MAD1L1: variants seen among roughly 807,000 people sequenced by gnomAD.
MAD1L1 encodes the protein mitotic spindle assembly checkpoint protein MAD1.
A neutral mutation model predicts 96.9 loss-of-function variants in MAD1L1; 95 were observed. The observed-to-expected ratio is 0.98, with a 90% CI of 0.83 to 1.16. MAD1L1 has a LOEUF of 1.16. Among genes scored for constraint, MAD1L1 ranks in the 50% most tolerant of loss-of-function variants. The pLI is 0.00. For missense variants in MAD1L1, 1,007 were observed against 954.4 expected (o/e 1.06, Z -0.73); for synonymous variants, 473 against 396.6 (o/e 1.19, Z -2.29).
chr7:1,915,415 C>T (rs929854469), intron 17 of MAD1L1, among the ~76,000 whole-genome samples: 10 of 152,110 alleles, frequency 6.6e-5, no homozygotes, highest in South Asian at 6.2e-4. Context: ...ACGCGCTTCC[C>T]GGGACAGAAA....
chr7:2,216,699 C>T (rs558064540), intron 7 of MAD1L1, among the ~76,000 whole-genome samples: 3 of 152,164 alleles, frequency 2.0e-5, no homozygotes, highest in African/African-American at 4.8e-5. Context: ...TAGGAGCGGG[C>T]GCAGGGGGTA....
rs948514889 is a variant in MAD1L1 at position 2,163,179 on chromosome 7, G to A, written c.987-13941C>T. On this transcript the variant is annotated intron_variant, in intron 10 of 18. Coordinates refer to ENST00000265854, the MANE Select transcript of MAD1L1 (RefSeq NM_001013836.2). ...ACAAACCGGCACATTAAGGATGGGC[G>A]GCCAAGGCCTCCAGGGAGCAGGACT... Among the ~76,000 whole-genome samples the A allele has an allele frequency of 7.9e-5, 12 of 152,240 alleles. No homozygotes were observed. In the South Asian group the frequency reaches 1.7e-3, roughly 21 times the overall value.
At chr7:1,965,162 C>T (rs896543336) in intron 15 of MAD1L1, among the ~76,000 whole-genome samples, 1 of 152,216 alleles carries the variant, frequency 6.6e-6, no homozygotes, top group Admixed American at 6.5e-5. Context: ...GGGAACCCCA[C>T]CAGAGAGGCT....
At chr7:1,862,211 G>T (rs59456857) in intron 18 of MAD1L1, among the ~76,000 whole-genome samples, 1,613 of 152,296 alleles carry the variant, frequency 0.011, 29 homozygotes, top group African/African-American at 0.037. Flanking sequence ...CTCCGGGTTG[G>T]TCTCCTCAGC....
At chr7:1,888,194 G>C (rs1254695625) in intron 18 of MAD1L1, among the ~76,000 whole-genome samples, 1 of 151,442 alleles carries the variant, frequency 6.6e-6, no homozygotes, top group African/African-American at 2.4e-5. Context: ...GTGCATGCAT[G>C]TATGTGGCTG....
chr7:1,820,912 T>C (rs1276273195), intron 18 of MAD1L1, among the ~76,000 whole-genome samples: 4 of 151,840 alleles, frequency 2.6e-5, no homozygotes, highest in Non-Finnish European at 2.9e-5. Context: ...AAACCCCATC[T>C]CTACTAAAAA....
chr7:1,942,274 CAGA>C (rs1270800379), intron 16 of MAD1L1, among the ~76,000 whole-genome samples: 1 of 152,148 alleles, frequency 6.6e-6, no homozygotes, highest in Non-Finnish European at 1.5e-5. Context: ...CCGGCCCCTC[CAGA>C]AGGAGGCCAC....
chr7:2,155,655 C>A (rs1432340481), intron 10 of MAD1L1, among the ~76,000 whole-genome samples: 1 of 152,238 alleles, frequency 6.6e-6, no homozygotes, highest in Non-Finnish European at 1.5e-5. Flanking sequence ...CTTTTGAAGG[C>A]TGAGTAATAC....
chr7:1,891,033 T>C (rs1786505853), intron 18 of MAD1L1, among the ~76,000 whole-genome samples: 1 of 151,718 alleles, frequency 6.6e-6, no homozygotes, highest in Non-Finnish European at 1.5e-5. Flanking sequence ...CTGCGCCACC[T>C]CCCCTTCCCC....
In MAD1L1 at chr7:1,986,336, G is replaced by A. The variant is rs1425467425; in HGVS notation, c.1417-5795C>T. ...TGCTGCAGCTTGGAACCACACGCCA[G>A]TCCAGCTTGGAACCACACGCCAGTC... On this transcript the variant is annotated intron_variant, in intron 14 of 18. Coordinates refer to ENST00000265854, the MANE Select transcript of MAD1L1 (RefSeq NM_001013836.2). Among the ~76,000 whole-genome samples, 68 of 29,478 alleles carry A rather than the reference G, an allele frequency of 2.3e-3. 1 individual carries two copies. The highest frequency in any genetic ancestry group is 1.7e-4 in the Non-Finnish European group (2 of 11,714). The allele number at this position is 29,478 out of a possible 152,430, so 19.3% of individuals were successfully genotyped here. A position where few individuals can be genotyped will look rare whatever the true frequency, so the allele number is the denominator to read the frequency against.
At chr7:2,207,408 G>A (rs899430799) in intron 10 of MAD1L1, among the ~76,000 whole-genome samples, 1 of 152,172 alleles carries the variant, frequency 6.6e-6, no homozygotes, top group East Asian at 1.9e-4. Flanking sequence ...TTGGGACTTT[G>A]AGTCCCACCC....
chr7:2,126,339 C>T (rs1788229710), intron 11 of MAD1L1, among the ~76,000 whole-genome samples: 1 of 152,186 alleles, frequency 6.6e-6, no homozygotes, highest in Admixed American at 6.5e-5. Context: ...CTTCGAATTC[C>T]ATTTTCAATA....
At chr7:1,928,534 G>A (rs1485106091) in intron 17 of MAD1L1, among the ~76,000 whole-genome samples, 2 of 152,252 alleles carry the variant, frequency 1.3e-5, no homozygotes, top group Non-Finnish European at 2.9e-5. Context: ...GACCCAGGCA[G>A]ACGATCTCAG....
intron 15 of MAD1L1, among the ~76,000 whole-genome samples, chr7:1,963,448 C>T (rs984282594): frequency 6.6e-6 from 1 of 152,182 alleles, no homozygotes; most frequent in African/African-American, 2.4e-5. Context: ...GGAGGGATTC[C>T]TGTCAAACAA....
At chr7:1,909,334 G>C (rs1287698350) in intron 17 of MAD1L1, among the ~76,000 whole-genome samples, 4 of 152,184 alleles carry the variant, frequency 2.6e-5, no homozygotes, top group African/African-American at 7.2e-5. Context: ...GCCCAATGCC[G>C]AGCCAGGCTT....
chr7:1,821,092 A>AG (rs1562424581), intron 18 of MAD1L1, among the ~76,000 whole-genome samples: 12 of 132,270 alleles, frequency 9.1e-5, no homozygotes, highest in African/African-American at 3.1e-4. Context: ...AAAAAAAAAA[A>AG]AGGGGGGGGG....
chr7:2,056,112 C>A (rs567598647), intron 12 of MAD1L1, among the ~76,000 whole-genome samples: 2 of 152,262 alleles, frequency 1.3e-5, no homozygotes, highest in Non-Finnish European at 2.9e-5. Flanking sequence ...GACCCCCCGA[C>A]GCCTCAGCGG....
chr7:1,887,619 G>T (rs1410869670), intron 18 of MAD1L1, among the ~76,000 whole-genome samples: 3 of 150,406 alleles, frequency 2.0e-5, no homozygotes, highest in Admixed American at 6.6e-5. Flanking sequence ...GGCTGCCTGT[G>T]CATGGGCATG....
intron 16 of MAD1L1, among the ~76,000 whole-genome samples, chr7:1,939,739 C>G (rs575886483): frequency 1.3e-5 from 2 of 152,352 alleles, no homozygotes; most frequent in African/African-American, 4.8e-5. Context: ...TGGACACACC[C>G]CACGGGGTGA....
Sources: gnomAD v4.1 joint callset for allele counts (sites outside exome capture counted in the v4.1 genomes callset) on GRCh38, gnomAD v4.1.1 for gene constraint, MANE v1.5 for transcripts, NCBI Gene and HGNC (gene_info 2026-07-23, HGNC 2026-07-21) for gene names.